Variants in LY75 observed in about 807,000 individuals in gnomAD.
LY75 encodes the protein C-type lectin domain family 13 member B.
A neutral mutation model predicts 231.7 loss-of-function variants in LY75; 185 were observed. The ratio of observed to expected loss-of-function variants is 0.80; its 90% CI spans 0.71 to 0.90. LY75 has a LOEUF of 0.90. Among genes scored for constraint, LY75 ranks in the 40% least tolerant of loss-of-function variants. The pLI, the probability that LY75 is intolerant of heterozygous loss-of-function variation, is 0.00. For synonymous variants in LY75, 668 were observed against 689.0 expected (o/e 0.97, Z 0.48); for missense variants, 1,947 against 2,050.2 (o/e 0.95, Z 0.97).
Position 159,833,983 on chromosome 2 carries a change from A to C in LY75, c.3841+61T>G, listed in dbSNP as rs1683742631. ...GCCATTAAACCTCTTTTTCTTTATA[A>C]ATTACCTAGCCTCGGGTATGTCCTT... On this transcript the variant is annotated intron_variant, in intron 27 of 34. Coordinates refer to ENST00000263636, the MANE Select transcript of LY75 (RefSeq NM_002349.4). 7 of 1,542,846 alleles carry C rather than the reference A, an allele frequency of 4.5e-6. No homozygotes were observed. The South Asian group carries it at 8.7e-5, about 19-fold the overall frequency.
chr2:159,875,384 A>G (rs1358107581), intron 12 of LY75, 60 bp downstream of exon 12: 2 of 1,575,850 alleles, frequency 1.3e-6, no homozygotes, highest in African/African-American at 1.4e-5. Context: ...GTACAAGGAC[A>G]TGAACAAGGG....
chr2:159,879,710 T>C (rs13006415), intron 8 of LY75, among the ~76,000 whole-genome samples: 127,928 of 152,108 alleles, frequency 0.84, 56,487 homozygotes, highest in East Asian at 1. Flanking sequence ...TAGAATGGCA[T>C]AGCCAAAGTT....
Position 159,819,904 on chromosome 2 carries a change from C to A in LY75, c.3975G>T (p.Trp1325Cys), listed in dbSNP as rs773350702. The A allele has an allele frequency of 6.9e-6, 11 of 1,598,942 alleles. No homozygotes were observed. The highest frequency in any genetic ancestry group is 4.5e-5 in the South Asian group (4 of 88,042). Reference sequence around the variant, plus strand: ...TATATGACAGTGGGGTCTTATCAAACCACATAAGAGACTTATCTAGAGAAG... The same window carrying A: ...TATATGACAGTGGGGTCTTATCAAAACACATAAGAGACTTATCTAGAGAAG... Reference protein sequence around the residue: ...GITYRNKSLMWFDKTPLSYTH... With the variant: ...GITYRNKSLMCFDKTPLSYTH... The change falls in exon 29 of 35, where the codon TGG becomes TGT. Residue 1325 changes from tryptophan (W) to cysteine (C), a missense_variant. Transcript: ENST00000263636.
At chr2:159,852,466 TG>T in intron 20 of LY75, 126 bp from the exon 21 acceptor site, 1 of 1,307,522 alleles carries the variant, frequency 7.6e-7, no homozygotes, top group Non-Finnish European at 1.0e-6. Flanking sequence ...TGCCCGGGGC[TG>T]GAGTGCAGTG....
intron 23 of LY75, among the ~76,000 whole-genome samples, chr2:159,848,518 G>T (rs981084249): frequency 6.6e-6 from 1 of 152,036 alleles, no homozygotes; most frequent in South Asian, 2.1e-4. Context: ...GACTTTACTC[G>T]TGTAACCAAA....
intron 24 of LY75, 111 bp from the exon 25 acceptor site, chr2:159,841,066 G>T (rs1466229792): frequency 6.8e-7 from 1 of 1,475,470 alleles, no homozygotes. Context: ...GATATTATTT[G>T]CCTATTTATT....
chr2:159,818,054 A>G (rs1260929184), intron 29 of LY75, among the ~76,000 whole-genome samples: 1 of 152,008 alleles, frequency 6.6e-6, no homozygotes, highest in Admixed American at 6.5e-5. Context: ...ATCTCCAAAA[A>G]AATAAATAAA....
intron 14 of LY75, among the ~76,000 whole-genome samples, chr2:159,861,188 GT>G (rs1684690336): frequency 6.6e-6 from 1 of 152,064 alleles, no homozygotes; most frequent in Admixed American, 6.6e-5. Flanking sequence ...TTTTTTGCAT[GT>G]GTTGAAATGC....
At chr2:159,872,685 T>G in intron 12 of LY75, 92 bp from the exon 13 acceptor site, 2 of 1,385,812 alleles carry the variant, frequency 1.4e-6, no homozygotes, top group Non-Finnish European at 2.0e-6. Context: ...TGTGGGCCCC[T>G]GAAATGAATT....
At chr2:159,844,531 G>A (rs1449002063) in intron 23 of LY75, among the ~76,000 whole-genome samples, 1 of 151,996 alleles carries the variant, frequency 6.6e-6, no homozygotes, top group Admixed American at 6.6e-5. Context: ...CCTGGTATTT[G>A]CCATGGAAAT....
intron 28 of LY75, among the ~76,000 whole-genome samples, chr2:159,827,479 G>A (rs542321591): frequency 2.8e-4 from 42 of 152,338 alleles, no homozygotes; most frequent in African/African-American, 9.9e-4. Flanking sequence ...AGAGGATGTG[G>A]AGAAATAGGA....
chr2:159,872,499 T>A lies in LY75; in HGVS notation c.2069A>T (p.His690Leu), dbSNP rs114350291. The A allele has an allele frequency of 2.5e-4, 400 of 1,614,012 alleles. 4 individuals carry two copies. In the South Asian group the frequency reaches 3.3e-3, roughly 14 times the overall value. The change falls in exon 13 of 35, where the codon CAT becomes CTT. Residue 690 changes from histidine to leucine, a missense_variant. By Grantham distance (99) the His-to-Leu change is moderately conservative (BLOSUM62 -3). Coordinates refer to ENST00000263636, the MANE Select transcript of LY75 (RefSeq NM_002349.4). ...AAGAAATTCCTTTATTTCATCCACA[T>A]GGCTGAAGCTAGAAAGGTGTGCTCC... ...ALGAHLSSFS[H>L]VDEIKEFLHF... is the part of the protein sequence containing the mutation.
chr2:159,864,373 G>A (rs1684797510), intron 14 of LY75, among the ~76,000 whole-genome samples: 1 of 152,018 alleles, frequency 6.6e-6, no homozygotes, highest in Non-Finnish European at 1.5e-5. Flanking sequence ...ATAGTTTGGG[G>A]CCTACCATTT....
chr2:159,885,301 G>C lies in LY75; in HGVS notation c.914-8C>G. 3 of 1,610,064 alleles carry C rather than the reference G, an allele frequency of 1.9e-6. No individual in the cohort carries two copies. The highest frequency in any genetic ancestry group is 2.5e-6 in the Non-Finnish European group (3 of 1,178,016). On this transcript the variant is annotated splice_region_variant and splice_polypyrimidine_tract_variant and intron_variant, in intron 5 of 34. Transcript: ENST00000263636. Reference sequence around the variant, plus strand: ...TAGGTGCACTGGGCCTGTCTTAAAAGGGAACATTTTTCAAAGCATTAGAAT... The same window carrying C: ...TAGGTGCACTGGGCCTGTCTTAAAACGGAACATTTTTCAAAGCATTAGAAT...
At chr2:159,864,394 T>C (rs1057389572) in intron 14 of LY75, among the ~76,000 whole-genome samples, 1 of 152,186 alleles carries the variant, frequency 6.6e-6, no homozygotes, top group African/African-American at 2.4e-5. Flanking sequence ...AGGGCTTTAA[T>C]TCATTTGGAG....
Position 159,882,316 on chromosome 2 carries a change from CTG to C in LY75, c.1055-3_1055-2del. ...CGGGTATCTGAGTATGTCCAGACAT[CTG>C]GGGGAAAAGCAGCTATTTATATTCC... On this transcript the variant is annotated splice_acceptor_variant and splice_polypyrimidine_tract_variant and intron_variant, in intron 6 of 34. Coordinates refer to ENST00000263636, the MANE Select transcript of LY75 (RefSeq NM_002349.4). LOFTEE classifies it high-confidence loss of function. 1 of 1,612,232 alleles carries C rather than the reference CTG, an allele frequency of 6.2e-7. No homozygotes were observed. Among genetic ancestry groups the C allele is most frequent in the Non-Finnish European group, 8.5e-7 (1 of 1,179,300 alleles).
intron 23 of LY75, among the ~76,000 whole-genome samples, chr2:159,847,408 T>C (rs1025088197): frequency 2.0e-5 from 3 of 152,144 alleles, no homozygotes; most frequent in African/African-American, 7.2e-5. Flanking sequence ...CATGGCTCAC[T>C]ACAGACTTGA....
rs376433162 is a variant in LY75 at position 159,819,851 on chromosome 2, A to G, written c.4028T>C (p.Ile1343Thr). ...YTHWRAGRPT[I>T]KNEKFLAGLS... ...ACCAGCCAAAAACTTCTCATTTTTTATAGTTGGTCTTCCTGCTCTCCAATG... is the reference window on the plus strand; with the variant it reads ...ACCAGCCAAAAACTTCTCATTTTTTGTAGTTGGTCTTCCTGCTCTCCAATG... Residue 1343 changes from isoleucine (I) to threonine (T), a missense_variant, in exon 29 of 35, where the codon ATA (isoleucine) becomes ACA (threonine). Ile to Thr is a moderately conservative substitution (Grantham distance 89). Coordinates refer to ENST00000263636, the MANE Select transcript of LY75 (RefSeq NM_002349.4). 1.9e-6 allele frequency: 3 copies of G among 1,614,164 alleles called. No homozygotes were observed. Among genetic ancestry groups the G allele is most frequent in the Non-Finnish European group, 1.7e-6 (2 of 1,180,002 alleles).
chr2:159,904,547 G>T, intron 1 of LY75, 42 bp downstream of exon 1: 1 of 1,494,824 alleles, frequency 6.7e-7, no homozygotes, highest in East Asian at 2.9e-5. Flanking sequence ...CTGTGGCGTC[G>T]AGGCACCCAG....
Sources: gnomAD v4.1 joint callset for allele counts (sites outside exome capture counted in the v4.1 genomes callset) on GRCh38, gnomAD v4.1.1 for gene constraint, MANE v1.5 for transcripts, NCBI Gene and HGNC (gene_info 2026-07-23, HGNC 2026-07-21) for gene names.